LMX1A: variants seen among roughly 807,000 people sequenced by gnomAD.
The protein encoded by LMX1A is LIM homeobox transcription factor 1 alpha.
Under a neutral mutation model 49.1 loss-of-function variants are expected in LMX1A, and 15 were observed. The observed-to-expected ratio is 0.31, with a 90% confidence interval of 0.20 to 0.47. The LOEUF (loss-of-function observed/expected upper bound fraction) is 0.47. Ranked by LOEUF, LMX1A falls within the 20% of genes least tolerant of loss-of-function variation. The probability of loss-of-function intolerance (pLI) is 1.00; values close to 1 mark genes in which losing one functional copy is unlikely to be tolerated. For synonymous variants in LMX1A, 167 were observed against 185.7 expected (o/e 0.90, Z 0.82); for missense variants, 372 against 475.8 (o/e 0.78, Z 2.03).
chr1:165,232,187 C>CT (rs1652264398), intron 4 of LMX1A, among the ~76,000 whole-genome samples: 1 of 152,164 alleles, frequency 6.6e-6, no homozygotes. Context: ...GGGCCCCAGA[C>CT]CAGGGTATGG....
intron 4 of LMX1A, among the ~76,000 whole-genome samples, chr1:165,226,235 G>C (rs544912391): frequency 6.6e-6 from 1 of 152,290 alleles, no homozygotes; most frequent in Non-Finnish European, 1.5e-5. Flanking sequence ...CATCTAAGTG[G>C]GTAAGCAGGC....
chr1:165,294,653 G>A (rs536837122), intron 3 of LMX1A, among the ~76,000 whole-genome samples: 35 of 152,338 alleles, frequency 2.3e-4, no homozygotes, highest in African/African-American at 7.7e-4. Context: ...TAAAAGCTAT[G>A]GTCCTTCTCC....
intron 3 of LMX1A, among the ~76,000 whole-genome samples, chr1:165,318,999 T>TCTCA (rs1444303214): frequency 1.4e-4 from 16 of 117,820 alleles, no homozygotes; most frequent in African/African-American, 5.2e-4. Flanking sequence ...TCTCTCTCTC[T>TCTCA]CACACACACA....
At chr1:165,314,365 G>A (rs1344915832) in intron 3 of LMX1A, among the ~76,000 whole-genome samples, 2 of 152,154 alleles carry the variant, frequency 1.3e-5, no homozygotes, top group African/African-American at 4.8e-5. Context: ...TCACCTTTAT[G>A]CTTGCATCTT....
intron 3 of LMX1A, among the ~76,000 whole-genome samples, chr1:165,263,399 A>G (rs1209405200): frequency 1.7e-4 from 26 of 152,160 alleles, no homozygotes; most frequent in Non-Finnish European, 7.3e-5. Context: ...GATGGCACCT[A>G]TATCTTACCT....
intron 4 of LMX1A, among the ~76,000 whole-genome samples, chr1:165,214,763 A>G (rs1231390103): frequency 1.3e-5 from 2 of 152,378 alleles, no homozygotes; most frequent in African/African-American, 2.4e-5. Context: ...GGTAACACTG[A>G]TAACTAGTCA....
chr1:165,323,622 G>A (rs181144107), intron 3 of LMX1A, among the ~76,000 whole-genome samples: 65 of 152,292 alleles, frequency 4.3e-4, no homozygotes, highest in African/African-American at 1.5e-3. Flanking sequence ...GGTAAACACT[G>A]ATCTCTGCAA....
intron 3 of LMX1A, among the ~76,000 whole-genome samples, chr1:165,275,895 C>T (rs569904130): frequency 2.2e-3 from 308 of 140,002 alleles, no homozygotes; most frequent in Admixed American, 3.6e-3. Flanking sequence ...GTTTGTCTTC[C>T]TCCCTGTGAG....
At chr1:165,243,098 A>G (rs895774739) in intron 4 of LMX1A, among the ~76,000 whole-genome samples, 9 of 152,206 alleles carry the variant, frequency 5.9e-5, no homozygotes, top group Admixed American at 3.9e-4. Flanking sequence ...CTTAGTTTTG[A>G]TAAGTGTACC....
At chr1:165,205,732 A>C in intron 8 of LMX1A, 132 bp downstream of exon 8, 1 of 768,686 alleles carries the variant, frequency 1.3e-6, no homozygotes, top group South Asian at 1.8e-5. Flanking sequence ...CGATTCTGGC[A>C]GTATTTTGTA....
Position 165,203,262 on chromosome 1 carries a change from T to C in LMX1A, c.*618A>G, listed in dbSNP as rs1276971653. 2 of 152,682 alleles carry C rather than the reference T, an allele frequency of 1.3e-5. No homozygotes were observed. Among genetic ancestry groups the C allele is most frequent in the Non-Finnish European group, 2.9e-5 (2 of 68,070 alleles). The allele number at this position is 152,682 out of a possible 1,614,324, so 9.5% of individuals were successfully genotyped here. A position where few individuals can be genotyped will look rare whatever the true frequency, so the allele number is the denominator to read the frequency against. ...ACCCCAGCACTCAAAGCTATGGGGC[T>C]AGGTGGAGCAGCCCTCTCTGCCCTG... On this transcript the variant is annotated 3_prime_UTR_variant, in exon 9 of 9. Transcript: ENST00000342310.
chr1:165,244,944 A>G (rs917642602), intron 4 of LMX1A, among the ~76,000 whole-genome samples: 1 of 151,966 alleles, frequency 6.6e-6, no homozygotes, highest in Non-Finnish European at 1.5e-5. Flanking sequence ...CAAAGCAGGG[A>G]CCAGGACAAA....
In LMX1A at chr1:165,247,210, C is replaced by T. The variant is rs1375908955; in HGVS notation, c.496+2198G>A. ...ATTAAGCCTCCAGACAAATGTTTAT[C>T]ATGAAAGGCTAGACCACAGCATTTA... is the stretch of plus-strand genomic sequence containing the variant. On this transcript the variant is annotated intron_variant, in intron 4 of 8. Coordinates refer to ENST00000342310, the MANE Select transcript of LMX1A (RefSeq NM_177398.4). 2.0e-5 allele frequency among the ~76,000 whole-genome samples: 3 copies of T among 151,846 alleles called. No homozygotes were observed. The East Asian group carries it at 5.8e-4, about 29-fold the overall frequency.
intron 3 of LMX1A, among the ~76,000 whole-genome samples, chr1:165,335,563 C>T (rs1655873028): frequency 6.6e-6 from 1 of 152,000 alleles, no homozygotes; most frequent in South Asian, 2.1e-4. Flanking sequence ...CAGCTATAAT[C>T]AAGTCAGTGG....
chr1:165,207,316 T>A lies in LMX1A; in HGVS notation c.817+747A>T, dbSNP rs114033742. On this transcript the variant is annotated intron_variant, in intron 7 of 8. Transcript: ENST00000342310. ...TCTAATATAGTAACTCTTCTTTTTT[T>A]TTTTCCTTTAACTTCCATGAAGTCT... is the stretch of plus-strand genomic sequence containing the variant. Among the ~76,000 whole-genome samples the A allele has an allele frequency of 6.2e-3, 941 of 152,342 alleles. 8 individuals carry two copies. The highest frequency in any genetic ancestry group is 0.022 in the African/African-American group (900 of 41,566).
chr1:165,273,505 C>T (rs1346457141), intron 3 of LMX1A, among the ~76,000 whole-genome samples: 1 of 152,200 alleles, frequency 6.6e-6, no homozygotes, highest in Non-Finnish European at 1.5e-5. Context: ...TGGAGCTTGT[C>T]AATTGAGACC....
intron 4 of LMX1A, among the ~76,000 whole-genome samples, chr1:165,224,944 T>A (rs143197410): frequency 6.6e-6 from 1 of 152,056 alleles, no homozygotes; most frequent in East Asian, 1.9e-4. Context: ...TTAGTACCCA[T>A]CCAGTTATGT....
At chr1:165,224,723 T>C (rs1328974217) in intron 4 of LMX1A, among the ~76,000 whole-genome samples, 3 of 152,232 alleles carry the variant, frequency 2.0e-5, no homozygotes, top group Non-Finnish European at 4.4e-5. Flanking sequence ...ACACTGGCAA[T>C]GCGTTGCACA....
intron 2 of LMX1A, 64 bp from the exon 3 acceptor site, chr1:165,353,326 C>A (rs893580729): frequency 7.2e-7 from 1 of 1,389,018 alleles, no homozygotes; most frequent in East Asian, 2.4e-5. Context: ...CAAACCTGGC[C>A]GGGACCCGCT....
Sources: gnomAD v4.1 joint callset for allele counts (sites outside exome capture counted in the v4.1 genomes callset) on GRCh38, gnomAD v4.1.1 for gene constraint, MANE v1.5 for transcripts, NCBI Gene and HGNC (gene_info 2026-07-23, HGNC 2026-07-21) for gene names.